Variants in EYA2 observed in about 807,000 individuals in gnomAD.
EYA2 encodes the protein protein phosphatase EYA2.
A neutral mutation model predicts 69.2 loss-of-function variants in EYA2; 31 were observed. The ratio of observed to expected loss-of-function variants is 0.45; its 90% CI spans 0.34 to 0.60. The LOEUF is 0.60. EYA2 is among the 20% of genes least tolerant of loss of function. The pLI is 0.02. For synonymous variants in EYA2, 257 were observed against 279.4 expected, an observed-to-expected ratio of 0.92 and a Z score of 0.80; for missense variants, 622 against 701.2, an observed-to-expected ratio of 0.89 and a Z score of 1.28.
chr20:46,995,417 A>G (rs539172872), intron 2 of EYA2, among the ~76,000 whole-genome samples: 9 of 152,154 alleles, frequency 5.9e-5, no homozygotes, highest in Non-Finnish European at 1.2e-4. Context: ...TTCTGTCCTC[A>G]GTGGCACCTC....
intron 1 of EYA2, among the ~76,000 whole-genome samples, chr20:46,962,858 A>G (rs925932197): frequency 6.6e-6 from 1 of 152,180 alleles, no homozygotes; most frequent in African/African-American, 2.4e-5. Context: ...ACACCTGTGT[A>G]CCTTTACCCA....
chr20:46,960,947 G>C (rs935575551), intron 1 of EYA2, among the ~76,000 whole-genome samples: 4 of 152,186 alleles, frequency 2.6e-5, no homozygotes, highest in African/African-American at 9.7e-5. Flanking sequence ...CATCCCAGGA[G>C]GTGCCTGGGA....
intron 9 of EYA2, among the ~76,000 whole-genome samples, chr20:47,113,643 G>A (rs183044740): frequency 3.0e-3 from 451 of 152,276 alleles, no homozygotes; most frequent in Admixed American, 7.3e-3. Flanking sequence ...GCTTAGAAAC[G>A]AACCTCAGAT....
At chr20:46,988,043 C>T (rs1981406280) in intron 1 of EYA2, among the ~76,000 whole-genome samples, 2 of 131,912 alleles carry the variant, frequency 1.5e-5, no homozygotes, top group Admixed American at 8.0e-5. Context: ...TGTTTTAAAA[C>T]AATGCATATA....
chr20:47,176,789 CTTCT>C (rs2034434662), intron 12 of EYA2, among the ~76,000 whole-genome samples: 1 of 123,740 alleles, frequency 8.1e-6, no homozygotes, highest in Admixed American at 7.6e-5. Flanking sequence ...TCCCAGGATC[CTTCT>C]TTCTTTTTTT....
chr20:47,062,253 C>T (rs2030921734), intron 5 of EYA2, among the ~76,000 whole-genome samples: 1 of 152,174 alleles, frequency 6.6e-6, no homozygotes, highest in Non-Finnish European at 1.5e-5. Context: ...TGTACACATC[C>T]TCAGCATTTT....
At chr20:46,991,995 G>T (rs1403672018) in intron 2 of EYA2, among the ~76,000 whole-genome samples, 1 of 102,528 alleles carries the variant, frequency 9.8e-6, no homozygotes, top group Non-Finnish European at 2.0e-5. Flanking sequence ...AACGCTGAAA[G>T]CTTTAGCAAC....
intron 7 of EYA2, 31 bp from the exon 8 acceptor site, chr20:47,089,208 G>A: frequency 6.2e-7 from 1 of 1,610,276 alleles, no homozygotes; most frequent in South Asian, 1.1e-5. Flanking sequence ...CAAAGCTTCT[G>A]ATTTGTCCAC....
intron 11 of EYA2, among the ~76,000 whole-genome samples, chr20:47,170,683 A>G (rs1239198829): frequency 1.3e-5 from 2 of 152,060 alleles, no homozygotes; most frequent in Admixed American, 1.3e-4. Flanking sequence ...TTCCAGAGGA[A>G]TGTGGGCTGG....
chr20:47,147,569 T>G (rs2033728236), intron 10 of EYA2, among the ~76,000 whole-genome samples: 1 of 152,162 alleles, frequency 6.6e-6, no homozygotes, highest in South Asian at 2.1e-4. Flanking sequence ...TGGGCCATTG[T>G]AAGGCTTTGG....
At position 47,061,134 on chromosome 20, in the gene EYA2, A is replaced by G. The variant is rs886574808; in HGVS notation, c.416-11051A>G. Among the ~76,000 whole-genome samples, 37 of 152,168 alleles carry G rather than the reference A, an allele frequency of 2.4e-4. No individual in the cohort carries two copies. In the Middle Eastern group the frequency reaches 0.02, roughly 84 times the overall value. On this transcript the variant is annotated intron_variant, in intron 5 of 15. Transcript: ENST00000327619. ...CTCCCAAACTGCTGGGATTACAGAC[A>G]TGAGCCACCGCACCCAGCCCAACTT...
At chr20:47,054,827 G>C (rs187244169) in intron 5 of EYA2, among the ~76,000 whole-genome samples, 1 of 151,992 alleles carries the variant, frequency 6.6e-6, no homozygotes. Flanking sequence ...TTGGACTCTC[G>C]CACACAAGTA....
chr20:47,049,256 G>A (rs1322011186), intron 5 of EYA2, among the ~76,000 whole-genome samples: 2 of 152,216 alleles, frequency 1.3e-5, no homozygotes, highest in South Asian at 4.1e-4. Context: ...CCATCGGGCA[G>A]TGATCAGAAC....
chr20:47,079,653 A>G (rs2031645225), intron 7 of EYA2, among the ~76,000 whole-genome samples: 1 of 152,240 alleles, frequency 6.6e-6, no homozygotes, highest in African/African-American at 2.4e-5. Context: ...GCTGGAAACA[A>G]CCTGGATACC....
At chr20:46,957,923 A>G (rs1979235776) in intron 1 of EYA2, among the ~76,000 whole-genome samples, 1 of 152,194 alleles carries the variant, frequency 6.6e-6, no homozygotes. Context: ...GTCCCAAACT[A>G]CATTCCCTGC....
intron 5 of EYA2, 79 bp downstream of exon 5, chr20:47,016,376 G>A (rs1299986206): frequency 8.9e-7 from 1 of 1,129,010 alleles, no homozygotes; most frequent in East Asian, 2.4e-5. Context: ...CATTCATTCA[G>A]CAGATTTTTT....
intron 11 of EYA2, among the ~76,000 whole-genome samples, chr20:47,169,461 C>A (rs1028633953): frequency 1.3e-5 from 2 of 152,140 alleles, no homozygotes; most frequent in African/African-American, 4.8e-5. Flanking sequence ...GCCTGAGCAA[C>A]ATAGTGAGAC....
At chr20:47,079,323 T>C (rs558128652) in intron 7 of EYA2, among the ~76,000 whole-genome samples, 1 of 152,342 alleles carries the variant, frequency 6.6e-6, no homozygotes, top group South Asian at 2.1e-4. Context: ...AACATGGCTC[T>C]CACTGAACTA....
At chr20:47,061,962 C>T (rs2030911083) in intron 5 of EYA2, among the ~76,000 whole-genome samples, 1 of 152,206 alleles carries the variant, frequency 6.6e-6, no homozygotes. Context: ...GCCAGGATAA[C>T]TCATTTCTGC....
Sources: allele counts gnomAD v4.1 joint callset (sites outside exome capture counted in the v4.1 genomes callset), GRCh38; gene constraint gnomAD v4.1.1; transcripts MANE v1.5; gene names NCBI Gene and HGNC (gene_info 2026-07-23, HGNC 2026-07-21).